Variants in ZFPM1 observed in about 807,000 individuals in gnomAD.
ZFPM1 encodes the protein zinc finger protein, FOG family member 1.
ZFPM1 carries 28 observed loss-of-function variants against 46.3 expected under a neutral mutation model. The ratio of observed to expected loss-of-function variants is 0.60; its 90% CI spans 0.45 to 0.83. ZFPM1 has a LOEUF of 0.83. Ranked by LOEUF, ZFPM1 falls within the 40% of genes least tolerant of loss-of-function variation. The pLI is 0.00. For missense variants in ZFPM1, 1,878 were observed against 1,432.4 expected (o/e 1.31, Z -5.02); for synonymous variants, 957 against 675.9 (o/e 1.42, Z -6.45).
intron 3 of ZFPM1, among the ~76,000 whole-genome samples, chr16:88,501,778 C>T (rs1352631988): frequency 6.8e-6 from 1 of 146,864 alleles, no homozygotes; most frequent in Non-Finnish European, 1.5e-5. Flanking sequence ...ATGGAGATAG[C>T]GGGCATGGGT....
chr16:88,485,829 A>G (rs1909188848), intron 1 of ZFPM1, 110 bp from the exon 2 acceptor site: 1 of 971,686 alleles, frequency 1.0e-6, no homozygotes, highest in African/African-American at 1.6e-5. Flanking sequence ...ACCCCCACCC[A>G]TTGCCATTTC....
At chr16:88,473,585 G>A (rs967568173) in intron 1 of ZFPM1, among the ~76,000 whole-genome samples, 1 of 151,958 alleles carries the variant, frequency 6.6e-6, no homozygotes, top group African/African-American at 2.4e-5. Context: ...CTCCCTTCCA[G>A]GGAGCCAGCT....
Position 88,512,631 on chromosome 16 carries a change from G to A in ZFPM1, c.269-1756G>A, listed in dbSNP as rs555162882. Among the ~76,000 whole-genome samples the A allele has an allele frequency of 9.3e-5, 14 of 150,784 alleles. No individual in the cohort carries two copies. In the East Asian group the frequency reaches 2.6e-3, roughly 28 times the overall value. Reference sequence around the variant, plus strand: ...AAGCTCCAAGCGTTTCTGACAGTCCGGATGGGATTCCACATGCTTCCCTGT... The same window carrying A: ...AAGCTCCAAGCGTTTCTGACAGTCCAGATGGGATTCCACATGCTTCCCTGT... On this transcript the variant is annotated intron_variant, in intron 3 of 9. Transcript: ENST00000319555.
intron 1 of ZFPM1, among the ~76,000 whole-genome samples, chr16:88,465,151 G>A (rs369230847): frequency 2.6e-5 from 4 of 152,242 alleles, no homozygotes; most frequent in South Asian, 2.1e-4. Context: ...GGCCTACACC[G>A]CAGCGGCCTC....
chr16:88,462,966 C>T (rs1249981078), intron 1 of ZFPM1, among the ~76,000 whole-genome samples: 3 of 148,012 alleles, frequency 2.0e-5, no homozygotes, highest in Admixed American at 6.6e-5. Flanking sequence ...AGGGCAGGGG[C>T]CCCCCTCCCC....
In ZFPM1 at chr16:88,536,855, A is replaced by T. The variant is rs1367996495; in HGVS notation, c.*1876A>T. ...AGGCACGGACCCCTCAAGTCTGCTC[A>T]TCATTTGCATTGTTGTGCATGAATT... On this transcript the variant is annotated 3_prime_UTR_variant, in exon 10 of 10. Transcript: ENST00000319555. The T allele has an allele frequency of 6.6e-6, 1 of 152,232 alleles. No individual in the cohort carries two copies. Among genetic ancestry groups the T allele is most frequent in the Non-Finnish European group, 1.5e-5 (1 of 68,050 alleles). The allele number at this position is 152,232 out of a possible 1,614,324, so 9.4% of individuals were successfully genotyped here.
Position 88,509,958 on chromosome 16 carries a change from C to T in ZFPM1, c.269-4429C>T, listed in dbSNP as rs376786462. ...GAGGCGACAGGGGCCTCTGGGGCCT[C>T]GGGGGCAGAGCCAGAGCCCAGGGGT... On this transcript the variant is annotated intron_variant, in intron 3 of 9. Transcript: ENST00000319555. Among the ~76,000 whole-genome samples, 12 of 152,164 alleles carry T rather than the reference C, an allele frequency of 7.9e-5. No individual in the cohort carries two copies. The South Asian group carries it at 1.4e-3, about 18-fold the overall frequency.
At chr16:88,477,632 A>G (rs1481735905) in intron 1 of ZFPM1, among the ~76,000 whole-genome samples, 1 of 152,218 alleles carries the variant, frequency 6.6e-6, no homozygotes, top group Non-Finnish European at 1.5e-5. Flanking sequence ...GGGTTTGAGG[A>G]TACAGTGAAC....
chr16:88,466,203 T>C (rs1294795858), intron 1 of ZFPM1, among the ~76,000 whole-genome samples: 4 of 152,152 alleles, frequency 2.6e-5, no homozygotes, highest in Non-Finnish European at 5.9e-5. Context: ...TTCTGGGTGG[T>C]TCTGGGACCC....
At chr16:88,508,948 G>A (rs758740712) in intron 3 of ZFPM1, among the ~76,000 whole-genome samples, 1 of 152,212 alleles carries the variant, frequency 6.6e-6, no homozygotes, top group African/African-American at 2.4e-5. Context: ...AAGCGAATCC[G>A]CACGCGGCGC....
intron 1 of ZFPM1, among the ~76,000 whole-genome samples, chr16:88,472,197 G>C (rs1468268480): frequency 1.3e-5 from 2 of 151,848 alleles, no homozygotes; most frequent in African/African-American, 4.9e-5. Flanking sequence ...CTGGAGGCAC[G>C]GTGGTGGGCA....
chr16:88,518,281 A>T (rs556160808), intron 4 of ZFPM1, among the ~76,000 whole-genome samples: 1 of 150,910 alleles, frequency 6.6e-6, no homozygotes, highest in African/African-American at 2.4e-5. Flanking sequence ...GGATAAGTGG[A>T]TGGATGGGAG....
intron 2 of ZFPM1, among the ~76,000 whole-genome samples, chr16:88,486,749 GCTGGGTGCACAGTGGATA>G (rs1308173021): frequency 2.7e-5 from 4 of 150,442 alleles, no homozygotes; most frequent in Middle Eastern, 3.4e-3. Flanking sequence ...GCGGATGGGT[GCTGGGTGCACAGTGGATA>G]CTGGGTGCAA....
At chr16:88,452,257 G>C (rs968539450), upstream of ZFPM1, among the ~76,000 whole-genome samples, 1 of 152,230 alleles carries the variant, frequency 6.6e-6, no homozygotes, top group African/African-American at 2.4e-5. Flanking sequence ...CCTCCGTGAA[G>C]TGGGGCTCTT....
chr16:88,453,742 G>A, intron 1 of ZFPM1, 64 bp downstream of exon 1: 2 of 1,027,820 alleles, frequency 1.9e-6, no homozygotes, highest in Non-Finnish European at 1.2e-6. Flanking sequence ...CCAGCCGCCA[G>A]CGCCGCCCCC....
At chr16:88,485,721 TG>T (rs1177456504) in intron 1 of ZFPM1, among the ~76,000 whole-genome samples, 1 of 152,150 alleles carries the variant, frequency 6.6e-6, no homozygotes, top group Non-Finnish European at 1.5e-5. Context: ...ATCACAGGTG[TG>T]AGCCACCATG....
At chr16:88,468,533 C>T (rs1362548076) in intron 1 of ZFPM1, among the ~76,000 whole-genome samples, 1 of 152,094 alleles carries the variant, frequency 6.6e-6, no homozygotes, top group Admixed American at 6.5e-5. Flanking sequence ...CTTTCCCACT[C>T]AGAGTCATCC....
At chr16:88,504,823 A>G (rs1040603919) in intron 3 of ZFPM1, among the ~76,000 whole-genome samples, 1 of 152,166 alleles carries the variant, frequency 6.6e-6, no homozygotes. Flanking sequence ...TCTGGGCCTG[A>G]GCACTGCCCC....
At chr16:88,476,752 G>A (rs562707962) in intron 1 of ZFPM1, among the ~76,000 whole-genome samples, 2 of 152,330 alleles carry the variant, frequency 1.3e-5, no homozygotes, top group African/African-American at 2.4e-5. Context: ...TGTTGGCACC[G>A]AGGGAGGGAC....
Sources: gnomAD v4.1 joint callset for allele counts (sites outside exome capture counted in the v4.1 genomes callset) on GRCh38, gnomAD v4.1.1 for gene constraint, MANE v1.5 for transcripts, NCBI Gene and HGNC (gene_info 2026-07-23, HGNC 2026-07-21) for gene names.